MKX: variants seen among roughly 807,000 people sequenced by gnomAD.
MKX encodes homeobox protein Mohawk.
A neutral mutation model predicts 36.0 loss-of-function variants in MKX; 13 were observed. The ratio of observed to expected loss-of-function variants is 0.36; its 90% confidence interval spans 0.24 to 0.57. MKX has a LOEUF of 0.57. Ranked by LOEUF, MKX falls within the 20% of genes least tolerant of loss-of-function variation. The pLI, the probability that MKX is intolerant of heterozygous loss-of-function variation, is 0.79. For missense variants in MKX, 458 were observed against 456.4 expected (o/e 1.00, Z -0.03); for synonymous variants, 176 against 178.3 (o/e 0.99, Z 0.10).
intron 5 of MKX, among the ~76,000 whole-genome samples, chr10:27,721,963 G>C (rs1834389951): frequency 6.6e-6 from 1 of 151,940 alleles, no homozygotes; most frequent in Non-Finnish European, 1.5e-5. Context: ...CTGTTCATTT[G>C]GTGGAGAAAA....
At chr10:27,713,341 A>G (rs1205387209) in intron 5 of MKX, among the ~76,000 whole-genome samples, 1 of 152,178 alleles carries the variant, frequency 6.6e-6, no homozygotes, top group Non-Finnish European at 1.5e-5. Context: ...AAGGGGGTGG[A>G]TGTGCATTTT....
chr10:27,681,116 C>T (rs911989820), intron 5 of MKX, among the ~76,000 whole-genome samples: 16 of 152,198 alleles, frequency 1.1e-4, no homozygotes, highest in Non-Finnish European at 2.9e-5. Flanking sequence ...GGTCATGCCA[C>T]ACATTGCTCA....
chr10:27,719,918 G>A (rs1214023228), intron 5 of MKX, among the ~76,000 whole-genome samples: 2 of 149,186 alleles, frequency 1.3e-5, no homozygotes, highest in African/African-American at 2.5e-5. Flanking sequence ...GAGCCCAGGA[G>A]TTTGAGGCTG....
chr10:27,686,390 AG>A (rs1237274005), intron 5 of MKX, among the ~76,000 whole-genome samples: 5 of 86,682 alleles, frequency 5.8e-5, no homozygotes. Context: ...AGGGAAGGGA[AG>A]GGAAAGGAAG....
At chr10:27,688,101 T>C (rs567501906) in intron 5 of MKX, among the ~76,000 whole-genome samples, 2 of 152,176 alleles carry the variant, frequency 1.3e-5, no homozygotes, top group East Asian at 3.9e-4. Context: ...CATAGGGTAG[T>C]TATGTGGACC....
chr10:27,731,151 GGAAAAAA>G (rs1834620264), intron 5 of MKX, among the ~76,000 whole-genome samples: 1 of 140,404 alleles, frequency 7.1e-6, no homozygotes, highest in Admixed American at 7.1e-5. Flanking sequence ...AAAAAAAAAA[GGAAAAAA>G]GAAAAGTTCC....
chr10:27,743,559 C>G, intron 1 of MKX, 62 bp from the exon 2 acceptor site: 1 of 923,550 alleles, frequency 1.1e-6, no homozygotes, highest in South Asian at 2.2e-5. Context: ...CCTGCAGGTT[C>G]AGGGCCTTGA....
At chr10:27,702,349 T>C (rs892270043) in intron 5 of MKX, among the ~76,000 whole-genome samples, 1 of 152,170 alleles carries the variant, frequency 6.6e-6, no homozygotes, top group African/African-American at 2.4e-5. Flanking sequence ...CTTTTCAAGC[T>C]AGATGCCTGC....
Position 27,675,289 on chromosome 10 carries a change from C to T in MKX, c.999G>A (p.Gln333=), listed in dbSNP as rs761654253. ...KLQGTTSCII[Q]KSSHIAEVKT... is the part of the protein sequence containing the mutation. ...TTACTTCTGCTATATGGGACGACTT[C>T]TGGATGATGCAGCTGGTAGTTCCCT... Residue 333 remains glutamine, a synonymous_variant, in exon 7 of 7, where the codon CAG becomes CAA. Transcript: ENST00000419761. 5.0e-6 allele frequency: 8 copies of T among 1,614,200 alleles called. No individual in the cohort carries two copies. Among genetic ancestry groups the T allele is most frequent in the South Asian group, 4.4e-5 (4 of 91,076 alleles).
At chr10:27,706,998 G>C (rs561988625) in intron 5 of MKX, among the ~76,000 whole-genome samples, 1 of 152,280 alleles carries the variant, frequency 6.6e-6, no homozygotes, top group South Asian at 2.1e-4. Context: ...TGTTCGTCAT[G>C]GTCACCGCGT....
At chr10:27,740,802 T>C (rs138206745) in intron 3 of MKX, among the ~76,000 whole-genome samples, 3 of 152,352 alleles carry the variant, frequency 2.0e-5, no homozygotes, top group East Asian at 1.9e-4. Context: ...TGGGGGGTTG[T>C]TGATCCAAAC....
chr10:27,726,777 T>A (rs1045075765), intron 5 of MKX, among the ~76,000 whole-genome samples: 1 of 151,916 alleles, frequency 6.6e-6, no homozygotes, highest in African/African-American at 2.4e-5. Context: ...AATTCAAACT[T>A]ATTCAGGACC....
intron 5 of MKX, among the ~76,000 whole-genome samples, chr10:27,697,168 A>G (rs1836570525): frequency 6.6e-6 from 1 of 152,246 alleles, no homozygotes; most frequent in Non-Finnish European, 1.5e-5. Context: ...GCCTTGCTGA[A>G]TGGGAAGAAT....
chr10:27,735,683 T>A (rs1211380488), intron 3 of MKX, among the ~76,000 whole-genome samples: 1 of 152,112 alleles, frequency 6.6e-6, no homozygotes, highest in East Asian at 1.9e-4. Context: ...AGAAAGAATG[T>A]GATGAATGGC....
chr10:27,696,124 C>T (rs142532472), intron 5 of MKX, among the ~76,000 whole-genome samples: 4 of 152,200 alleles, frequency 2.6e-5, no homozygotes, highest in East Asian at 3.9e-4. Flanking sequence ...ATTCCTCAAA[C>T]GGTAAGTTAC....
At chr10:27,713,515 C>G (rs1399007168) in intron 5 of MKX, among the ~76,000 whole-genome samples, 2 of 152,078 alleles carry the variant, frequency 1.3e-5, no homozygotes, top group Non-Finnish European at 2.9e-5. Context: ...TGGAAAGAGC[C>G]TGAACCAGGA....
intron 5 of MKX, chr10:27,718,639 C>G: frequency 2.5e-6 from 1 of 400,886 alleles, no homozygotes; most frequent in Non-Finnish European, 5.0e-6. Flanking sequence ...GTGCTACAAG[C>G]TTAACGACAT....
chr10:27,725,437 T>C (rs542627631), intron 5 of MKX, among the ~76,000 whole-genome samples: 79 of 152,214 alleles, frequency 5.2e-4, no homozygotes, highest in Non-Finnish European at 9.1e-4. Context: ...CATTTATTAT[T>C]ATATTTTTTC....
chr10:27,694,651 T>C (rs2637315), intron 5 of MKX, among the ~76,000 whole-genome samples: 97,339 of 144,020 alleles, frequency 0.68, 35,024 homozygotes, highest in Non-Finnish European at 0.8. Context: ...GCCGAGATCG[T>C]GCCACTGCAC....
Sources: gnomAD v4.1 joint callset for allele counts (sites outside exome capture counted in the v4.1 genomes callset) on GRCh38, gnomAD v4.1.1 for gene constraint, MANE v1.5 for transcripts, NCBI Gene and HGNC (gene_info 2026-07-23, HGNC 2026-07-21) for gene names.